Variants in CPNE8 observed in about 807,000 individuals in gnomAD.
The protein encoded by CPNE8 is copine-8.
Under a neutral mutation model 81.5 loss-of-function variants are expected in CPNE8, and 45 were observed. The ratio of observed to expected loss-of-function variants is 0.55; its 90% CI spans 0.44 to 0.71. CPNE8 has a LOEUF of 0.71. Among genes scored for constraint, CPNE8 ranks in the 30% least tolerant of loss-of-function variants. The pLI is 0.00. For missense variants in CPNE8, 594 were observed against 672.1 expected, an observed-to-expected ratio of 0.88 and a Z score of 1.28; for synonymous variants, 252 against 226.3, an observed-to-expected ratio of 1.11 and a Z score of -1.02.
intron 3 of CPNE8, among the ~76,000 whole-genome samples, chr12:38,850,279 C>T (rs1392339902): frequency 2.0e-5 from 3 of 152,112 alleles, no homozygotes; most frequent in Non-Finnish European, 4.4e-5. Context: ...GAGGCTCAGC[C>T]AGTACCCATA....
intron 16 of CPNE8, among the ~76,000 whole-genome samples, chr12:38,684,788 T>C (rs910757239): frequency 2.0e-5 from 3 of 152,178 alleles, no homozygotes; most frequent in Non-Finnish European, 2.9e-5. Context: ...CAATTTCTAA[T>C]TATCTCAAAA....
At chr12:38,717,617 A>G (rs1251005914) in intron 13 of CPNE8, among the ~76,000 whole-genome samples, 1 of 151,598 alleles carries the variant, frequency 6.6e-6, no homozygotes, top group African/African-American at 2.4e-5. Flanking sequence ...CTATGGTAAC[A>G]CAAAGGCATA....
At chr12:38,863,826 G>C (rs1024456835) in intron 3 of CPNE8, among the ~76,000 whole-genome samples, 22 of 152,146 alleles carry the variant, frequency 1.4e-4, no homozygotes, top group African/African-American at 5.1e-4. Flanking sequence ...GCCGAGGCGG[G>C]CGGATCACAA....
Position 38,685,542 on chromosome 12 carries a change from C to T in CPNE8, c.1219G>A (p.Val407Ile), listed in dbSNP as rs374379534. The change falls in exon 16 of 20, where the codon GTA (valine) becomes ATA (isoleucine). Residue 407 changes from valine (V) to isoleucine (I), a missense_variant. Coordinates refer to ENST00000331366, the MANE Select transcript of CPNE8 (RefSeq NM_153634.3). ...AAGTTGGTGGGCCCATATAGTTGTACAGATTTCAGACTCCTGTAATAAGCC... is the reference window on the plus strand; with the variant it reads ...AAGTTGGTGGGCCCATATAGTTGTATAGATTTCAGACTCCTGTAATAAGCC... ...MEAYYRSLKS[V>I]QLYGPTNFAP... 2.0e-5 allele frequency: 33 copies of T among 1,613,508 alleles called. No homozygotes were observed. Among genetic ancestry groups the T allele is most frequent in the Non-Finnish European group, 2.7e-5 (32 of 1,179,708 alleles).
intron 19 of CPNE8, among the ~76,000 whole-genome samples, chr12:38,668,875 C>A (rs915330987): frequency 1.3e-5 from 2 of 151,878 alleles, no homozygotes; most frequent in Non-Finnish European, 2.9e-5. Flanking sequence ...CAGTGAAACC[C>A]CATCTCTACT....
intron 15 of CPNE8, 140 bp downstream of exon 15, chr12:38,693,517 C>T: frequency 1.5e-6 from 1 of 680,028 alleles, no homozygotes; most frequent in Non-Finnish European, 2.4e-6. Context: ...AGTTCACACT[C>T]CAAAGTCAAT....
intron 3 of CPNE8, among the ~76,000 whole-genome samples, chr12:38,855,183 C>A (rs1943710285): frequency 6.6e-6 from 1 of 151,138 alleles, no homozygotes. Flanking sequence ...GTAAATTTAA[C>A]CAAAAAGGTG....
chr12:38,853,059 T>C (rs1025379343), intron 3 of CPNE8, among the ~76,000 whole-genome samples: 4 of 152,152 alleles, frequency 2.6e-5, no homozygotes, highest in African/African-American at 9.6e-5. Context: ...CTGGAAATAA[T>C]AAGAAATCTA....
intron 3 of CPNE8, among the ~76,000 whole-genome samples, chr12:38,860,385 C>CAAAAA (rs36025286): frequency 7.2e-5 from 8 of 111,166 alleles, no homozygotes; most frequent in South Asian, 3.2e-4. Context: ...TGGCTATTAT[C>CAAAAA]AAAAAAAAAA....
chr12:38,854,100 G>C (rs1409407498), intron 3 of CPNE8, among the ~76,000 whole-genome samples: 1 of 151,898 alleles, frequency 6.6e-6, no homozygotes, highest in East Asian at 1.9e-4. Context: ...ACGGGAGTAC[G>C]GTAGGCAGAA....
rs1473075986 is a variant in CPNE8 at position 38,652,630 on chromosome 12, C to G, written c.*1252G>C. The G allele has an allele frequency of 6.6e-6, 1 of 152,464 alleles. No homozygotes were observed. Among genetic ancestry groups the G allele is most frequent in the Non-Finnish European group, 1.5e-5 (1 of 67,970 alleles). 9.4% of individuals were successfully genotyped at this position (152,464 alleles called of 1,614,324 possible). On this transcript the variant is annotated 3_prime_UTR_variant, in exon 20 of 20. Coordinates refer to ENST00000331366, the MANE Select transcript of CPNE8 (RefSeq NM_153634.3). The stretch of plus-strand genomic sequence containing the variant: ...CACACACACAAATAAATACACTTTT[C>G]TATTATTTGAAGGCAATTCACAATC...
intron 6 of CPNE8, among the ~76,000 whole-genome samples, chr12:38,817,157 G>A (rs77683219): frequency 0.012 from 1,892 of 152,110 alleles, 46 homozygotes; most frequent in African/African-American, 0.043. Flanking sequence ...TTAGAGACTG[G>A]GCAAATCATC....
intron 1 of CPNE8, among the ~76,000 whole-genome samples, chr12:38,882,916 C>A (rs1944182514): frequency 6.6e-6 from 1 of 152,212 alleles, no homozygotes; most frequent in Non-Finnish European, 1.5e-5. Flanking sequence ...TCCTCACCAA[C>A]CCCTTTCCTG....
intron 6 of CPNE8, among the ~76,000 whole-genome samples, chr12:38,820,820 G>C (rs897640450): frequency 6.6e-6 from 1 of 152,110 alleles, no homozygotes; most frequent in Non-Finnish European, 1.5e-5. Context: ...TACTACTAAA[G>C]CTCACCAATC....
intron 15 of CPNE8, among the ~76,000 whole-genome samples, chr12:38,690,413 A>T (rs1939647473): frequency 6.6e-6 from 1 of 152,222 alleles, no homozygotes; most frequent in East Asian, 1.9e-4. Context: ...TTTGAAAAAA[A>T]TTAAAGTAAT....
At chr12:38,799,793 T>G (rs1447864314) in intron 6 of CPNE8, among the ~76,000 whole-genome samples, 5 of 140,438 alleles carry the variant, frequency 3.6e-5, no homozygotes, top group African/African-American at 9.9e-5. Context: ...CAGGCCAGTG[T>G]GTGCGCGCAC....
intron 3 of CPNE8, among the ~76,000 whole-genome samples, chr12:38,870,491 A>G (rs1006817525): frequency 3.3e-5 from 5 of 152,214 alleles, no homozygotes; most frequent in Admixed American, 6.5e-5. Context: ...TGTCCTTTGC[A>G]GGGACATGGA....
chr12:38,685,441 A>T, intron 16 of CPNE8, 49 bp downstream of exon 16: 1 of 1,586,890 alleles, frequency 6.3e-7, no homozygotes, highest in African/African-American at 1.4e-5. Flanking sequence ...TTATGAGTTC[A>T]CCATGTTCCA....
intron 6 of CPNE8, among the ~76,000 whole-genome samples, chr12:38,807,330 C>A (rs2136976813): frequency 6.7e-6 from 1 of 148,350 alleles, no homozygotes; most frequent in Non-Finnish European, 1.5e-5. Flanking sequence ...CTGGAGGCAT[C>A]ACACTACCTG....
Sources: gnomAD v4.1 joint callset for allele counts (sites outside exome capture counted in the v4.1 genomes callset) on GRCh38, gnomAD v4.1.1 for gene constraint, MANE v1.5 for transcripts, NCBI Gene and HGNC (gene_info 2026-07-23, HGNC 2026-07-21) for gene names.